ATP13A4: variants seen among roughly 807,000 people sequenced by gnomAD.
The protein encoded by ATP13A4 is ATPase 13A4.
A neutral mutation model predicts 142.5 loss-of-function variants in ATP13A4; 114 were observed. The ratio of observed to expected loss-of-function variants is 0.80; its 90% CI spans 0.69 to 0.93. The LOEUF (loss-of-function observed/expected upper bound fraction) is 0.93. ATP13A4 is among the 40% of genes least tolerant of loss of function. The pLI, the probability that ATP13A4 is intolerant of heterozygous loss-of-function variation, is 0.00. For missense variants in ATP13A4, 1,392 were observed against 1,454.0 expected (o/e 0.96, Z 0.69); for synonymous variants, 488 against 514.8 (o/e 0.95, Z 0.70).
intron 1 of ATP13A4, among the ~76,000 whole-genome samples, chr3:193,539,317 G>A (rs185856983): frequency 3.9e-5 from 6 of 152,306 alleles, no homozygotes; most frequent in African/African-American, 1.4e-4. Flanking sequence ...CCATCTTGAA[G>A]CAAAACCATC....
intron 13 of ATP13A4, among the ~76,000 whole-genome samples, chr3:193,462,335 C>T (rs2108640325): frequency 6.6e-6 from 1 of 152,248 alleles, no homozygotes; most frequent in South Asian, 2.1e-4. Context: ...AAATGTTCCT[C>T]TTCCTGAAAT....
rs181199578 is a variant in ATP13A4, at chr3:193,499,333, T to C, written c.381+3160A>G. 2.9e-3 allele frequency among the ~76,000 whole-genome samples: 445 copies of C among 152,354 alleles called. 2 individuals carry two copies. The highest frequency in any genetic ancestry group is 5.2e-3 in the Admixed American group (80 of 15,308). ...AGGCTCTAGGGTGTGTTAGCCATCATGACACATGTTGAAATCTCAAGCATC... is the reference window on the plus strand; with the variant it reads ...AGGCTCTAGGGTGTGTTAGCCATCACGACACATGTTGAAATCTCAAGCATC... On this transcript the variant is annotated intron_variant, in intron 3 of 29. Transcript: ENST00000342695.
chr3:193,412,506 AACACACACAC>A (rs58979821), intron 26 of ATP13A4, 135 bp from the exon 27 acceptor site: 9,249 of 509,126 alleles, frequency 0.018, 44 homozygotes, highest in African/African-American at 0.036. Context: ...TGCTTTGGAA[AACACACACAC>A]ACACACACAC....
intron 7 of ATP13A4, among the ~76,000 whole-genome samples, chr3:193,487,944 A>G (rs528751286): frequency 4.6e-5 from 7 of 152,216 alleles, no homozygotes; most frequent in Non-Finnish European, 8.8e-5. Flanking sequence ...CAGATGCAGA[A>G]AGATATTTAG....
rs1197280177 is a variant in ATP13A4, at chr3:193,399,176, T to C, written c.*3476A>G. Among the ~76,000 whole-genome samples, 1 of 152,168 alleles carries C rather than the reference T, an allele frequency of 6.6e-6. No homozygotes were observed. Among genetic ancestry groups the C allele is most frequent in the Non-Finnish European group, 1.5e-5 (1 of 68,038 alleles). ...AGAGCTAGATGCCTTGAGATGAACA[T>C]ACAGGGCACCGTCTCAAATGATTTG... On this transcript the variant is annotated 3_prime_UTR_variant, in exon 30 of 30. Coordinates refer to ENST00000342695, the MANE Select transcript of ATP13A4 (RefSeq NM_032279.4).
intron 25 of ATP13A4, chr3:193,417,143 C>T (rs867820614): frequency 2.6e-5 from 4 of 152,040 alleles, no homozygotes; most frequent in Non-Finnish European, 5.9e-5. Flanking sequence ...CCTTCAAAAT[C>T]GAGGGAGAAA....
chr3:193,586,058 A>T (rs1724660206), intron 1 of ATP13A4, among the ~76,000 whole-genome samples: 1 of 144,910 alleles, frequency 6.9e-6, no homozygotes, highest in Admixed American at 7.3e-5. Context: ...ATGTATATAA[A>T]ATATATATAT....
intron 23 of ATP13A4, 25 bp from the exon 24 acceptor site, chr3:193,435,769 G>C: frequency 1.9e-6 from 3 of 1,583,310 alleles, no homozygotes; most frequent in Non-Finnish European, 2.6e-6. Context: ...AAATGATAAA[G>C]ACATGAAAGT....
chr3:193,526,875 T>C (rs1156333838), intron 1 of ATP13A4, among the ~76,000 whole-genome samples: 1 of 152,174 alleles, frequency 6.6e-6, no homozygotes, highest in African/African-American at 2.4e-5. Context: ...ACTTAGACAA[T>C]GACCACACAG....
intron 1 of ATP13A4, among the ~76,000 whole-genome samples, chr3:193,521,461 A>G (rs1413591648): frequency 2.0e-5 from 3 of 152,216 alleles, no homozygotes; most frequent in Admixed American, 6.5e-5. Flanking sequence ...TACAAGGAAT[A>G]TATTTAATGA....
At chr3:193,441,734 G>T in intron 19 of ATP13A4, 146 bp from the exon 20 acceptor site, 1 of 943,012 alleles carries the variant, frequency 1.1e-6, no homozygotes, top group Non-Finnish European at 1.6e-6. Flanking sequence ...TTTTCTTTTT[G>T]CTGGATCAAT....
At chr3:193,416,426 G>T (rs984031209) in intron 25 of ATP13A4, among the ~76,000 whole-genome samples, 1 of 152,048 alleles carries the variant, frequency 6.6e-6, no homozygotes, top group Non-Finnish European at 1.5e-5. Context: ...GAAACCACGG[G>T]CAAAGAACTA....
chr3:193,577,543 ATGGAACAT>A (rs1360256728), intron 2 of ATP13A4, among the ~76,000 whole-genome samples: 1 of 152,220 alleles, frequency 6.6e-6, no homozygotes, highest in Non-Finnish European at 1.5e-5. Flanking sequence ...TAAGTACAAA[ATGGAACAT>A]TGTATTTTGT....
chr3:193,462,874 G>C lies in ATP13A4; in HGVS notation c.1462-51C>G, dbSNP rs1307676851. On this transcript the variant is annotated intron_variant, in intron 12 of 29. Transcript: ENST00000342695. Reference sequence around the variant, plus strand: ...ACTCTGAAGATCCAGGCAAGGAGCGGTGGCTCATGCCTGTAATCCCAGCAC... The same window carrying C: ...ACTCTGAAGATCCAGGCAAGGAGCGCTGGCTCATGCCTGTAATCCCAGCAC... 7 of 1,571,080 alleles carry C rather than the reference G, an allele frequency of 4.5e-6. No individual in the cohort carries two copies. The African/African-American group carries it at 8.1e-5, about 18-fold the overall frequency.
At chr3:193,491,424 C>G (rs1337457323) in intron 5 of ATP13A4, 26 bp from the exon 6 acceptor site, 8 of 1,481,752 alleles carry the variant, frequency 5.4e-6, no homozygotes, top group Non-Finnish European at 7.5e-6. Context: ...ACAGATCACT[C>G]TGTCACAAAT....
At chr3:193,418,667 C>CTACA in intron 25 of ATP13A4, among the ~76,000 whole-genome samples, 1 of 150,064 alleles carries the variant, frequency 6.7e-6, no homozygotes, top group East Asian at 2.1e-4. Flanking sequence ...CCCTGGACAC[C>CTACA]TACAGTCCTC....
chr3:193,513,306 C>T (rs1027264219), intron 2 of ATP13A4, among the ~76,000 whole-genome samples: 1 of 152,162 alleles, frequency 6.6e-6, no homozygotes, highest in Non-Finnish European at 1.5e-5. Context: ...TCTCTTACTG[C>T]ATTAAATAGA....
chr3:193,431,115 A>G (rs965192894), intron 25 of ATP13A4, among the ~76,000 whole-genome samples: 6 of 152,074 alleles, frequency 3.9e-5, no homozygotes, highest in African/African-American at 1.4e-4. Context: ...GACTCTAGTT[A>G]TTTGACTTGA....
At chr3:193,490,453 T>C (rs77725985) in intron 6 of ATP13A4, among the ~76,000 whole-genome samples, 1,745 of 152,328 alleles carry the variant, frequency 0.011, 28 homozygotes, top group African/African-American at 0.037. Context: ...ATGGGTGAGT[T>C]GAAGACTGCA....
Sources: gnomAD v4.1 joint callset for allele counts (sites outside exome capture counted in the v4.1 genomes callset) on GRCh38, gnomAD v4.1.1 for gene constraint, MANE v1.5 for transcripts, NCBI Gene and HGNC (gene_info 2026-07-23, HGNC 2026-07-21) for gene names.